The following SUMF1 variants were observed in gnomAD, a reference collection of about 807,000 sequenced individuals.
The protein encoded by SUMF1 is formylglycine-generating enzyme.
In SUMF1, 48 loss-of-function variants were observed where a neutral mutation model predicts 47.6. The observed-to-expected ratio is 1.01, with a 90% CI of 0.80 to 1.28. SUMF1 has a LOEUF of 1.28. Among genes scored for constraint, SUMF1 ranks in the 50% most tolerant of loss-of-function variants. The pLI is 0.00. For missense variants in SUMF1, 571 were observed against 485.4 expected (o/e 1.18, Z -1.66); for synonymous variants, 230 against 192.1 (o/e 1.20, Z -1.63).
intron 8 of SUMF1, among the ~76,000 whole-genome samples, chr3:4,338,683 T>C (rs143818123): frequency 4.9e-4 from 75 of 152,252 alleles, no homozygotes; most frequent in African/African-American, 1.7e-3. Context: ...AAAATTTGAA[T>C]GACAGAGTCT....
intron 7 of SUMF1, among the ~76,000 whole-genome samples, chr3:4,388,774 T>A (rs1011790201): frequency 2.6e-5 from 4 of 152,250 alleles, no homozygotes; most frequent in Non-Finnish European, 5.9e-5. Context: ...TGCATATTCA[T>A]AAACATATCA....
At chr3:4,188,686 G>A (rs1574963300) in intron 8 of SUMF1, among the ~76,000 whole-genome samples, 1 of 152,032 alleles carries the variant, frequency 6.6e-6, no homozygotes, top group Admixed American at 6.5e-5. Context: ...TTTTAGTGCT[G>A]ACTTACTGTG....
At chr3:4,278,556 A>G (rs1464278921) in intron 8 of SUMF1, among the ~76,000 whole-genome samples, 5 of 152,284 alleles carry the variant, frequency 3.3e-5, no homozygotes, top group Non-Finnish European at 4.4e-5. Flanking sequence ...CTCTTCATAT[A>G]TAACAATCAA....
At chr3:4,226,791 T>A (rs1435993728) in intron 8 of SUMF1, among the ~76,000 whole-genome samples, 1 of 151,878 alleles carries the variant, frequency 6.6e-6, no homozygotes, top group Non-Finnish European at 1.5e-5. Context: ...TCACTTCAAA[T>A]CAAAAAGGAG....
intron 8 of SUMF1, among the ~76,000 whole-genome samples, chr3:4,118,425 A>G (rs947271781): frequency 6.6e-6 from 1 of 152,122 alleles, no homozygotes; most frequent in Admixed American, 6.5e-5. Context: ...AGAAAAAAAT[A>G]AGAAAATCAG....
Position 4,453,001 on chromosome 3 carries a change from G to C in SUMF1, c.319C>G (p.Gln107Glu). 6.2e-7 allele frequency: 1 copy of C among 1,614,056 alleles called. No homozygotes were observed. ...GGTGCTTCCCCATCCTGCTTTATCT[G>C]AGGATCATCTGTGCCCATTGTAAAT... ...GVFTMGTDDP[Q>E]IKQDGEAPAR... The change falls in exon 2 of 9, where the codon CAG (glutamine) becomes GAG (glutamate). Residue 107 changes from glutamine (Q) to glutamate (E), a missense_variant. Coordinates refer to ENST00000272902, the MANE Select transcript of SUMF1 (RefSeq NM_182760.4).
At chr3:4,278,278 A>G (rs1697459659) in intron 8 of SUMF1, among the ~76,000 whole-genome samples, 1 of 152,096 alleles carries the variant, frequency 6.6e-6, no homozygotes, top group Non-Finnish European at 1.5e-5. Flanking sequence ...ATCTTGATAT[A>G]TTGTACCAAC....
chr3:4,092,654 G>C (rs111868836), intron 8 of SUMF1, among the ~76,000 whole-genome samples: 3 of 152,210 alleles, frequency 2.0e-5, no homozygotes, highest in African/African-American at 7.2e-5. Context: ...ACTACTTATA[G>C]TATAAAAGCA....
chr3:4,219,818 T>C (rs1225565219), intron 8 of SUMF1, among the ~76,000 whole-genome samples: 2 of 152,178 alleles, frequency 1.3e-5, no homozygotes, highest in African/African-American at 2.4e-5. Context: ...GGAATTTGCA[T>C]TTTTAACAAG....
At chr3:4,449,245 G>C in intron 3 of SUMF1, 21 bp downstream of exon 3, 1 of 1,613,500 alleles carries the variant, frequency 6.2e-7, no homozygotes, top group South Asian at 1.1e-5. Context: ...AAATACAGGA[G>C]CCTGTTGAAA....
downstream of SUMF1, among the ~76,000 whole-genome samples, chr3:4,359,158 C>T (rs1401968142): frequency 2.0e-5 from 3 of 152,194 alleles, no homozygotes; most frequent in Non-Finnish European, 4.4e-5. Flanking sequence ...CTGGTCTGCT[C>T]GTATGTCACT....
At chr3:4,099,809 C>T (rs77839347) in intron 8 of SUMF1, among the ~76,000 whole-genome samples, 1,824 of 151,688 alleles carry the variant, frequency 0.012, 25 homozygotes, top group Non-Finnish European at 0.019. Flanking sequence ...TATACACTAA[C>T]CACAAACTGT....
intron 8 of SUMF1, among the ~76,000 whole-genome samples, chr3:4,103,159 G>C (rs1374949278): frequency 6.6e-6 from 1 of 151,524 alleles, no homozygotes; most frequent in African/African-American, 2.4e-5. Context: ...CTGACCTCAA[G>C]TGATCCACCT....
chr3:4,306,101 G>C (rs73806993), intron 8 of SUMF1, among the ~76,000 whole-genome samples: 1,988 of 152,240 alleles, frequency 0.013, 48 homozygotes, highest in African/African-American at 0.046. Context: ...TACCCTCAAG[G>C]TGTTTACAAC....
At chr3:4,154,589 A>G (rs185264863) in intron 8 of SUMF1, among the ~76,000 whole-genome samples, 1 of 146,552 alleles carries the variant, frequency 6.8e-6, no homozygotes, top group Non-Finnish European at 1.5e-5. Context: ...CATAGCTATG[A>G]AGTAACTGAA....
chr3:4,113,822 A>T (rs538968863), intron 8 of SUMF1, among the ~76,000 whole-genome samples: 12 of 152,246 alleles, frequency 7.9e-5, no homozygotes, highest in African/African-American at 2.4e-4. Flanking sequence ...GCAGATAGGA[A>T]CAATTACTGA....
intron 8 of SUMF1, among the ~76,000 whole-genome samples, chr3:4,295,012 G>C (rs1697821325): frequency 1.3e-5 from 2 of 152,198 alleles, no homozygotes; most frequent in South Asian, 4.1e-4. Context: ...TTTTTCCTCT[G>C]TGGAATTCTT....
At chr3:4,110,910 G>A (rs868786368) in intron 8 of SUMF1, among the ~76,000 whole-genome samples, 2 of 150,474 alleles carry the variant, frequency 1.3e-5, no homozygotes, top group Non-Finnish European at 3.0e-5. Flanking sequence ...GAGTTGATGG[G>A]TGCAGCACAC....
At chr3:4,073,575 A>T (rs1692339947) in intron 8 of SUMF1, among the ~76,000 whole-genome samples, 1 of 152,180 alleles carries the variant, frequency 6.6e-6, no homozygotes, top group Non-Finnish European at 1.5e-5. Context: ...ATTGGTGTGC[A>T]GTATTCAGGA....
Sources: gnomAD v4.1 joint callset for allele counts (sites outside exome capture counted in the v4.1 genomes callset) on GRCh38, gnomAD v4.1.1 for gene constraint, MANE v1.5 for transcripts, NCBI Gene and HGNC (gene_info 2026-07-23, HGNC 2026-07-21) for gene names.